The following SLC8A1 variants were observed in gnomAD, a reference collection of about 807,000 sequenced individuals.
SLC8A1 encodes the protein sodium/calcium exchanger 1.
Under a neutral mutation model 68.3 loss-of-function variants are expected in SLC8A1, and 18 were observed. The observed-to-expected ratio is 0.26, with a 90% CI of 0.18 to 0.39. SLC8A1 has a LOEUF of 0.39. Among genes scored for constraint, SLC8A1 ranks in the 10% least tolerant of loss-of-function variants. SLC8A1 has a pLI of 1.00. For missense variants in SLC8A1, 985 were observed against 1,156.7 expected, an observed-to-expected ratio of 0.85 and a Z score of 2.15; for synonymous variants, 475 against 415.5, an observed-to-expected ratio of 1.14 and a Z score of -1.74.
intron 1 of SLC8A1, among the ~76,000 whole-genome samples, chr2:40,493,431 G>T (rs1012935568): frequency 6.6e-6 from 1 of 151,208 alleles, no homozygotes; most frequent in Non-Finnish European, 1.5e-5. Flanking sequence ...CACCAGCATG[G>T]CACACTTATA....
chr2:40,303,519 T>G (rs565409411), intron 2 of SLC8A1, among the ~76,000 whole-genome samples: 68 of 152,346 alleles, frequency 4.5e-4, no homozygotes, highest in African/African-American at 1.6e-3. Context: ...TGACTTTGTC[T>G]TTCTTGGACC....
At chr2:40,367,053 G>A (rs1177097985) in intron 2 of SLC8A1, among the ~76,000 whole-genome samples, 2 of 151,912 alleles carry the variant, frequency 1.3e-5, no homozygotes, top group Non-Finnish European at 2.9e-5. Flanking sequence ...ATGAATTACT[G>A]AGGTTCTGGG....
intron 7 of SLC8A1, among the ~76,000 whole-genome samples, chr2:40,136,161 T>C (rs947123745): frequency 2.6e-5 from 4 of 152,150 alleles, no homozygotes; most frequent in African/African-American, 9.7e-5. Context: ...GAAGCCTCTT[T>C]CTCCAGAGAA....
chr2:40,152,951 G>A (rs906092333), intron 6 of SLC8A1, among the ~76,000 whole-genome samples: 2 of 151,888 alleles, frequency 1.3e-5, no homozygotes, highest in African/African-American at 4.8e-5. Flanking sequence ...TCCAGCCTGG[G>A]CAATGGAGGA....
chr2:40,464,990 C>A (rs1348444338), intron 1 of SLC8A1, among the ~76,000 whole-genome samples: 2 of 152,150 alleles, frequency 1.3e-5, no homozygotes, highest in Non-Finnish European at 2.9e-5. Flanking sequence ...CTCCCACCCC[C>A]AGCTGTGCCA....
chr2:40,218,369 G>C (rs778136347), intron 2 of SLC8A1, among the ~76,000 whole-genome samples: 1 of 152,144 alleles, frequency 6.6e-6, no homozygotes, highest in African/African-American at 2.4e-5. Context: ...ATAAAACTAG[G>C]CAGCTAGAAA....
chr2:40,413,804 C>A (rs1020332903), intron 2 of SLC8A1, among the ~76,000 whole-genome samples: 1 of 152,082 alleles, frequency 6.6e-6, no homozygotes, highest in Non-Finnish European at 1.5e-5. Flanking sequence ...TTTATATTTA[C>A]TAATCCTTGG....
At chr2:40,238,529 A>G (rs368107585) in intron 2 of SLC8A1, among the ~76,000 whole-genome samples, 2 of 152,230 alleles carry the variant, frequency 1.3e-5, no homozygotes, top group East Asian at 1.9e-4. Context: ...AGATGAACCC[A>G]GTACCTCAGA....
intron 2 of SLC8A1, among the ~76,000 whole-genome samples, chr2:40,236,852 G>A (rs11900936): frequency 0.13 from 19,519 of 149,260 alleles, 1,339 homozygotes; most frequent in Non-Finnish European, 0.15. Context: ...TTTCTCCTTC[G>A]CTTATGAAGC....
intron 2 of SLC8A1, among the ~76,000 whole-genome samples, chr2:40,183,004 T>C (rs1329782726): frequency 6.6e-6 from 1 of 152,172 alleles, no homozygotes; most frequent in Non-Finnish European, 1.5e-5. Flanking sequence ...TACAGTTGCT[T>C]TTTGTCTTTT....
chr2:40,440,035 ATCT>A (rs1204824560), intron 1 of SLC8A1, among the ~76,000 whole-genome samples: 4 of 152,110 alleles, frequency 2.6e-5, no homozygotes. Context: ...AACTAGTCAA[ATCT>A]TATTATTTAG....
chr2:40,397,477 G>T (rs376450527), intron 2 of SLC8A1, among the ~76,000 whole-genome samples: 1 of 152,156 alleles, frequency 6.6e-6, no homozygotes, highest in African/African-American at 2.4e-5. Flanking sequence ...ATTTTCACAG[G>T]TGGGTAATCA....
intron 2 of SLC8A1, among the ~76,000 whole-genome samples, chr2:40,415,757 C>T (rs1419799704): frequency 6.6e-6 from 1 of 151,704 alleles, no homozygotes; most frequent in African/African-American, 2.4e-5. Flanking sequence ...GTGGGTGGGT[C>T]ACCTGAGGTC....
chr2:40,470,735 A>C (rs896503872), intron 1 of SLC8A1, among the ~76,000 whole-genome samples: 1 of 152,018 alleles, frequency 6.6e-6, no homozygotes, highest in Non-Finnish European at 1.5e-5. Flanking sequence ...CTTTTGAATA[A>C]TCTTTTCTTT....
chr2:40,452,740 T>G (rs962617013), upstream of SLC8A1, among the ~76,000 whole-genome samples: 1 of 150,644 alleles, frequency 6.6e-6, no homozygotes, highest in Non-Finnish European at 1.5e-5. Context: ...TACTAGATGC[T>G]GACACAAGCA....
At chr2:40,369,325 C>G (rs564239672) in intron 2 of SLC8A1, among the ~76,000 whole-genome samples, 1 of 152,186 alleles carries the variant, frequency 6.6e-6, no homozygotes. Flanking sequence ...ATCATCTGAG[C>G]TGGTTGTTTC....
chr2:40,167,968 A>C (rs181059152), intron 4 of SLC8A1, among the ~76,000 whole-genome samples: 2 of 152,284 alleles, frequency 1.3e-5, no homozygotes, highest in East Asian at 3.9e-4. Context: ...AATATATGGA[A>C]TATAGTAGGT....
intron 2 of SLC8A1, among the ~76,000 whole-genome samples, chr2:40,374,546 C>A (rs1048748095): frequency 2.6e-5 from 4 of 151,944 alleles, no homozygotes; most frequent in Non-Finnish European, 5.9e-5. Flanking sequence ...GGGAAATTAA[C>A]CTGCCCCTGA....
intron 1 of SLC8A1, among the ~76,000 whole-genome samples, chr2:40,506,261 T>C (rs1706362988): frequency 6.6e-6 from 1 of 152,000 alleles, no homozygotes; most frequent in Non-Finnish European, 1.5e-5. Flanking sequence ...GAATATTTAC[T>C]GTATCTTTCC....
Sources: gnomAD v4.1 joint callset for allele counts (sites outside exome capture counted in the v4.1 genomes callset) on GRCh38, gnomAD v4.1.1 for gene constraint, MANE v1.5 for transcripts, NCBI Gene and HGNC (gene_info 2026-07-23, HGNC 2026-07-21) for gene names.